The following BAZ1A variants were observed in gnomAD, a reference collection of about 807,000 sequenced individuals.
BAZ1A encodes the protein bromodomain adjacent to zinc finger domain 1A, also known as bromodomain adjacent to zinc finger domain protein 1A.
A neutral mutation model predicts 185.2 loss-of-function variants in BAZ1A; 50 were observed. The observed-to-expected ratio is 0.27, with a 90% confidence interval of 0.22 to 0.34. The LOEUF (loss-of-function observed/expected upper bound fraction) is 0.34. Among genes scored for constraint, BAZ1A ranks in the 10% least tolerant of loss-of-function variants. BAZ1A has a pLI of 1.00. For missense variants in BAZ1A, 1,356 were observed against 1,839.9 expected (o/e 0.74, Z 4.81); for synonymous variants, 571 against 615.6 (o/e 0.93, Z 1.07).
At chr14:34,867,188 G>A (rs1171866938) in intron 2 of BAZ1A, among the ~76,000 whole-genome samples, 1 of 152,154 alleles carries the variant, frequency 6.6e-6, no homozygotes, top group Non-Finnish European at 1.5e-5. Context: ...GAACCCGGAA[G>A]GTGGAGGTTG....
At chr14:34,833,356 C>T (rs1375663536) in intron 3 of BAZ1A, among the ~76,000 whole-genome samples, 4 of 152,076 alleles carry the variant, frequency 2.6e-5, no homozygotes, top group Non-Finnish European at 5.9e-5. Context: ...GGTGAAATCC[C>T]GTCTCTACTA....
intron 3 of BAZ1A, among the ~76,000 whole-genome samples, chr14:34,860,511 CA>C (rs2042750301): frequency 2.6e-5 from 1 of 38,280 alleles, no homozygotes; most frequent in African/African-American, 9.3e-5. Flanking sequence ...TCATCTATAC[CA>C]AAAGTTAAAA....
chr14:34,857,414 C>T (rs2042701199), intron 3 of BAZ1A, among the ~76,000 whole-genome samples: 1 of 152,154 alleles, frequency 6.6e-6, no homozygotes, highest in Non-Finnish European at 1.5e-5. Context: ...ACTGATCCTC[C>T]TGCCCAAGTA....
At chr14:34,760,300 A>C (rs893706033) in intron 24 of BAZ1A, among the ~76,000 whole-genome samples, 1 of 152,192 alleles carries the variant, frequency 6.6e-6, no homozygotes, top group African/African-American at 2.4e-5. Context: ...CAAAACAGAT[A>C]AGTGGATAGG....
In BAZ1A at chr14:34,783,847, C is replaced by T. The variant is rs539198901; in HGVS notation, c.1912G>A (p.Val638Ile). 3 of 1,613,634 alleles carry T rather than the reference C, an allele frequency of 1.9e-6. No individual in the cohort carries two copies. The highest frequency in any genetic ancestry group is 2.2e-5 in the South Asian group (2 of 90,982). ...VSTRDFIEDYVDILRQAKQEF... is the reference protein window; with the variant it reads ...VSTRDFIEDYIDILRQAKQEF... ...TGCTTTGCCTGTCGTAATATATCAA[C>T]ATAATCTTCAATAAAATCCCTAGTT... Residue 638 changes from valine (V) to isoleucine (I), a missense_variant, in exon 15 of 27, where the codon GTT (valine) becomes ATT (isoleucine). By Grantham distance (29) the Val-to-Ile change is conservative (BLOSUM62 3). Coordinates refer to ENST00000360310, the MANE Select transcript of BAZ1A (RefSeq NM_013448.3).
chr14:34,832,635 TA>T (rs1309192795), intron 3 of BAZ1A, among the ~76,000 whole-genome samples: 1 of 152,168 alleles, frequency 6.6e-6, no homozygotes, highest in East Asian at 1.9e-4. Flanking sequence ...GATGGTTATA[TA>T]TTTTTTCTTT....
chr14:34,844,619 A>T (rs945186689), intron 3 of BAZ1A, among the ~76,000 whole-genome samples: 10 of 151,782 alleles, frequency 6.6e-5, no homozygotes, highest in African/African-American at 2.4e-4. Flanking sequence ...TCTACAAAAA[A>T]AAAAAATTAA....
intron 24 of BAZ1A, among the ~76,000 whole-genome samples, chr14:34,760,334 G>A (rs1235546822): frequency 6.6e-6 from 1 of 152,128 alleles, no homozygotes; most frequent in African/African-American, 2.4e-5. Flanking sequence ...GATCCTGACT[G>A]GTACAAAATT....
At chr14:34,869,566 G>A (rs2042920086) in intron 2 of BAZ1A, among the ~76,000 whole-genome samples, 1 of 152,158 alleles carries the variant, frequency 6.6e-6, no homozygotes, top group South Asian at 2.1e-4. Flanking sequence ...CAAACAACAA[G>A]GCAGGTCCAC....
chr14:34,794,882 A>G lies in BAZ1A; in HGVS notation c.1230T>C (p.Leu410=). ...EDMECDDLKE[L]PEPTPVKTRL... ...TAGTTTTCACTGGTGTTGGTTCTGG[A>G]AGTTCCTGAAATATTGAACAATTTA... Residue 410 remains leucine, a synonymous_variant, in exon 11 of 27, where the codon CTT becomes CTC. Transcript: ENST00000360310. The G allele has an allele frequency of 1.2e-6, 2 of 1,610,062 alleles. No individual in the cohort carries two copies. The highest frequency in any genetic ancestry group is 1.7e-6 in the Non-Finnish European group (2 of 1,178,998).
intron 3 of BAZ1A, among the ~76,000 whole-genome samples, chr14:34,832,228 A>ATATATG (rs1437244262): frequency 2.8e-5 from 4 of 143,380 alleles, no homozygotes; most frequent in African/African-American, 1.0e-4. Context: ...ATATATATAT[A>ATATATG]TATGTATGTA....
At chr14:34,833,406 T>TA (rs1180692819) in intron 3 of BAZ1A, among the ~76,000 whole-genome samples, 1 of 152,104 alleles carries the variant, frequency 6.6e-6, no homozygotes, top group Non-Finnish European at 1.5e-5. Flanking sequence ...CGCGCGCCTA[T>TA]AATCCCAGCT....
chr14:34,822,073 T>C (rs2042098248), intron 4 of BAZ1A, among the ~76,000 whole-genome samples: 1 of 152,040 alleles, frequency 6.6e-6, no homozygotes, highest in African/African-American at 2.4e-5. Context: ...GGCGGGTGTA[T>C]CACCTGAGGT....
chr14:34,843,072 C>G (rs1421833487), intron 3 of BAZ1A, among the ~76,000 whole-genome samples: 1 of 149,554 alleles, frequency 6.7e-6, no homozygotes, highest in Admixed American at 6.7e-5. Context: ...TGACATACAG[C>G]AAGTTTCAAG....
intron 18 of BAZ1A, among the ~76,000 whole-genome samples, chr14:34,774,776 T>C (rs1195597984): frequency 6.6e-6 from 1 of 151,578 alleles, no homozygotes; most frequent in Non-Finnish European, 1.5e-5. Context: ...ACCCTGTCTC[T>C]AAATAAATAA....
chr14:34,862,631 A>T (rs780629343), intron 2 of BAZ1A, among the ~76,000 whole-genome samples: 6 of 152,124 alleles, frequency 3.9e-5, no homozygotes, highest in Non-Finnish European at 8.8e-5. Flanking sequence ...AAAAAAGCTA[A>T]ATAAAGTAGT....
intron 16 of BAZ1A, among the ~76,000 whole-genome samples, chr14:34,782,419 T>A (rs1880095797): frequency 6.6e-6 from 1 of 151,990 alleles, no homozygotes. Context: ...GTTTTTAAGA[T>A]TTTTTTTCTT....
In BAZ1A at chr14:34,795,657, A is replaced by G. The variant is rs780157358; in HGVS notation, c.1224+13T>C. On this transcript the variant is annotated intron_variant, in intron 10 of 26. Transcript: ENST00000360310. ...AACCTATGTGTGCTAAACATCACAT[A>G]ACATGTTTATACCTTAAGGTCATCA... 1 of 1,570,166 alleles carries G rather than the reference A, an allele frequency of 6.4e-7. No homozygotes were observed. The highest frequency in any genetic ancestry group is 1.8e-5 in the Admixed American group (1 of 55,360).
At chr14:34,805,521 C>T (rs1057133511) in intron 6 of BAZ1A, among the ~76,000 whole-genome samples, 4 of 152,172 alleles carry the variant, frequency 2.6e-5, no homozygotes, top group Non-Finnish European at 5.9e-5. Flanking sequence ...CAACTATTCA[C>T]ATATATCGAT....
Sources: gnomAD v4.1 joint callset for allele counts (sites outside exome capture counted in the v4.1 genomes callset) on GRCh38, gnomAD v4.1.1 for gene constraint, MANE v1.5 for transcripts, NCBI Gene and HGNC (gene_info 2026-07-23, HGNC 2026-07-21) for gene names.